The following EPC2 variants were observed in gnomAD, a reference collection of about 807,000 sequenced individuals.
EPC2 encodes the protein enhancer of polycomb 2.
Under a neutral mutation model 92.1 loss-of-function variants are expected in EPC2, and 14 were observed. The observed-to-expected ratio is 0.15, with a 90% confidence interval of 0.10 to 0.24. The LOEUF (loss-of-function observed/expected upper bound fraction) is 0.24. Ranked by LOEUF, EPC2 falls within the 10% of genes least tolerant of loss-of-function variation. EPC2 has a pLI of 1.00. For missense variants in EPC2, 755 were observed against 971.5 expected, an observed-to-expected ratio of 0.78 and a Z score of 2.96; for synonymous variants, 340 against 334.7, an observed-to-expected ratio of 1.02 and a Z score of -0.17.
chr2:148,753,939 C>G lies in EPC2; in HGVS notation c.472C>G (p.Gln158Glu), dbSNP rs749835397. ...KASSNQLVTL[Q>E]EAKLLLNEDD... Reference sequence around the variant, plus strand: ...ATTTTTCATTTAGCTTGTAACACTTCAAGAAGCAAAACTGCTGCTAAACGA... The same window carrying G: ...ATTTTTCATTTAGCTTGTAACACTTGAAGAAGCAAAACTGCTGCTAAACGA... The change falls in exon 4 of 14, where the codon CAA becomes GAA. Residue 158 changes from glutamine to glutamate, a missense_variant. Transcript: ENST00000258484. 2 of 1,609,752 alleles carry G rather than the reference C, an allele frequency of 1.2e-6. No homozygotes were observed. The highest frequency in any genetic ancestry group is 1.3e-5 in the African/African-American group (1 of 75,004).
At chr2:148,768,510 T>G (rs1351972313) in intron 7 of EPC2, among the ~76,000 whole-genome samples, 1 of 152,214 alleles carries the variant, frequency 6.6e-6, no homozygotes, top group East Asian at 1.9e-4. Flanking sequence ...TCTTTTGCTC[T>G]AGCGTTGCGG....
At chr2:148,699,296 T>G (rs960828538) in intron 2 of EPC2, among the ~76,000 whole-genome samples, 3 of 152,230 alleles carry the variant, frequency 2.0e-5, no homozygotes, top group African/African-American at 7.2e-5. Flanking sequence ...TTACAGCTAA[T>G]GATGTTATTA....
intron 3 of EPC2, among the ~76,000 whole-genome samples, chr2:148,751,363 ATTTT>A (rs897658353): frequency 2.0e-5 from 3 of 151,502 alleles, no homozygotes; most frequent in Admixed American, 2.0e-4. Context: ...TGGTAGGATA[ATTTT>A]TTTTTATCTC....
At chr2:148,753,843 C>T (rs1177441976) in intron 3 of EPC2, 84 bp from the exon 4 acceptor site, 15 of 1,116,728 alleles carry the variant, frequency 1.3e-5, no homozygotes, top group Admixed American at 7.3e-5. Flanking sequence ...TGAAACTGGT[C>T]GCATTTTTTT....
intron 11 of EPC2, among the ~76,000 whole-genome samples, chr2:148,782,671 G>A (rs937672326): frequency 3.3e-5 from 5 of 152,204 alleles, no homozygotes; most frequent in East Asian, 1.9e-4. Context: ...AACCATAATT[G>A]CCAGAAGGAA....
At chr2:148,746,058 A>G (rs1274199377) in intron 3 of EPC2, among the ~76,000 whole-genome samples, 1 of 151,948 alleles carries the variant, frequency 6.6e-6, no homozygotes, top group Non-Finnish European at 1.5e-5. Context: ...ATTGTTTCTC[A>G]TGACCATTCC....
rs563800917 is a variant in EPC2, at chr2:148,726,757, T to C, written c.314-16865T>C. Among the ~76,000 whole-genome samples, 317 of 130,076 alleles carry C rather than the reference T, an allele frequency of 2.4e-3. 2 individuals carry two copies. Among genetic ancestry groups the C allele is most frequent in the African/African-American group, 7.8e-3 (300 of 38,506 alleles). The allele number at this position is 130,076 out of a possible 152,430, so 85.3% of individuals were successfully genotyped here. On this transcript the variant is annotated intron_variant, in intron 2 of 13. Transcript: ENST00000258484. ...TTGCTTTTGGGTTTTTTTTTTGTTT[T>C]GTTTTTTGTTTTTTTTTTTTTTGCG...
At chr2:148,708,450 T>C (rs1251108773) in intron 2 of EPC2, among the ~76,000 whole-genome samples, 1 of 152,202 alleles carries the variant, frequency 6.6e-6, no homozygotes, top group Admixed American at 6.5e-5. Context: ...TCTGAAACTC[T>C]TCCAATCAAT....
chr2:148,739,830 C>CTTTTT lies in EPC2; in HGVS notation c.314-3790_314-3789insTTTTT, dbSNP rs879739457. 1.6e-3 allele frequency among the ~76,000 whole-genome samples: 159 copies of CTTTTT among 96,544 alleles called. 1 individual carries two copies. The highest frequency in any genetic ancestry group is 6.1e-3 in the Middle Eastern group (1 of 164). The allele number at this position is 96,544 out of a possible 152,430, so 63.3% of individuals were successfully genotyped here. A position where few individuals can be genotyped will look rare whatever the true frequency, so the allele number is the denominator to read the frequency against. ...TCTTTCTTCCTTTTCTTTTCTTCTT[C>CTTTTT]TTCTTTTTTTTTTTTTTTTTTTTTT... is the stretch of plus-strand genomic sequence containing the variant. On this transcript the variant is annotated intron_variant, in intron 2 of 13. Coordinates refer to ENST00000258484, the MANE Select transcript of EPC2 (RefSeq NM_015630.4).
chr2:148,653,767 C>T (rs1177700924), intron 1 of EPC2, among the ~76,000 whole-genome samples: 6 of 149,016 alleles, frequency 4.0e-5, no homozygotes, highest in Admixed American at 2.1e-4. Flanking sequence ...CAACAAGCAG[C>T]ATTCAGTTTT....
At chr2:148,776,397 C>G (rs894412363) in intron 10 of EPC2, among the ~76,000 whole-genome samples, 1 of 152,116 alleles carries the variant, frequency 6.6e-6, no homozygotes, top group African/African-American at 2.4e-5. Flanking sequence ...TCTTCATTAT[C>G]CTCACATCTG....
chr2:148,685,995 A>G (rs930431789), intron 1 of EPC2, among the ~76,000 whole-genome samples: 2 of 152,170 alleles, frequency 1.3e-5, no homozygotes, highest in African/African-American at 4.8e-5. Flanking sequence ...ATGTTTGCTA[A>G]AGGTTAGGTG....
chr2:148,696,338 G>C (rs1681744347), intron 2 of EPC2, among the ~76,000 whole-genome samples: 1 of 152,148 alleles, frequency 6.6e-6, no homozygotes, highest in Admixed American at 6.6e-5. Context: ...ACTAATCATT[G>C]GGTAGTCTGA....
chr2:148,674,697 C>T (rs947748033), intron 1 of EPC2, among the ~76,000 whole-genome samples: 1 of 152,190 alleles, frequency 6.6e-6, no homozygotes, highest in Admixed American at 6.5e-5. Context: ...GCTTTTTCTC[C>T]CAGTAGTGTT....
At chr2:148,647,286 G>C (rs1408457472) in intron 1 of EPC2, among the ~76,000 whole-genome samples, 1 of 152,078 alleles carries the variant, frequency 6.6e-6, no homozygotes, top group African/African-American at 2.4e-5. Context: ...AAATAAAAGT[G>C]CTTAACTCGT....
At chr2:148,747,970 TC>T (rs1683016575) in intron 3 of EPC2, among the ~76,000 whole-genome samples, 1 of 152,106 alleles carries the variant, frequency 6.6e-6, no homozygotes, top group African/African-American at 2.4e-5. Context: ...TGGATTTGTG[TC>T]CCTGCTCAAA....
chr2:148,700,923 C>T (rs1681872803), intron 2 of EPC2, among the ~76,000 whole-genome samples: 1 of 152,120 alleles, frequency 6.6e-6, no homozygotes, highest in African/African-American at 2.4e-5. Flanking sequence ...TGGAATATCT[C>T]TGCATTTTTT....
intron 2 of EPC2, among the ~76,000 whole-genome samples, chr2:148,697,077 T>TA (rs1681762149): frequency 1.3e-5 from 2 of 152,362 alleles, no homozygotes; most frequent in South Asian, 4.1e-4. Flanking sequence ...TCTGGACAGA[T>TA]AATGTATTTC....
chr2:148,761,046 T>C (rs1683293376), intron 4 of EPC2, among the ~76,000 whole-genome samples: 1 of 152,252 alleles, frequency 6.6e-6, no homozygotes, highest in Non-Finnish European at 1.5e-5. Context: ...ATATTAGTAA[T>C]AATTTTATAT....
Sources: allele counts gnomAD v4.1 joint callset (sites outside exome capture counted in the v4.1 genomes callset), GRCh38; gene constraint gnomAD v4.1.1; transcripts MANE v1.5; gene names NCBI Gene and HGNC (gene_info 2026-07-23, HGNC 2026-07-21).